THSD7A: variants seen among roughly 807,000 people sequenced by gnomAD.
THSD7A encodes thrombospondin type 1 domain containing 7A, also known as thrombospondin type-1 domain-containing protein 7A.
A neutral mutation model predicts 231.3 loss-of-function variants in THSD7A; 96 were observed. The ratio of observed to expected loss-of-function variants is 0.41; its 90% CI spans 0.35 to 0.49. THSD7A has a LOEUF of 0.49. Among genes scored for constraint, THSD7A ranks in the 20% least tolerant of loss-of-function variants. The pLI is 0.05. For missense variants in THSD7A, 2,290 were observed against 2,070.2 expected, an observed-to-expected ratio of 1.11 and a Z score of -2.06; for synonymous variants, 940 against 743.3, an observed-to-expected ratio of 1.26 and a Z score of -4.30.
intron 1 of THSD7A, among the ~76,000 whole-genome samples, chr7:11,647,309 A>G (rs780569401): frequency 6.6e-6 from 1 of 152,032 alleles, no homozygotes; most frequent in Non-Finnish European, 1.5e-5. Flanking sequence ...CAAATTCCTG[A>G]AGTGACTCAG....
At chr7:11,700,594 T>G (rs1945408743) in intron 1 of THSD7A, among the ~76,000 whole-genome samples, 1 of 151,164 alleles carries the variant, frequency 6.6e-6, no homozygotes, top group Non-Finnish European at 1.5e-5. Context: ...GTAGTTGGAG[T>G]GTTTTCATGT....
chr7:11,555,716 A>G (rs1197133067), intron 4 of THSD7A, among the ~76,000 whole-genome samples: 1 of 151,214 alleles, frequency 6.6e-6, no homozygotes, highest in Admixed American at 6.6e-5. Context: ...TTCTCCTTTC[A>G]GTTCTATCAG....
At chr7:11,506,697 C>T (rs1469508741) in intron 6 of THSD7A, among the ~76,000 whole-genome samples, 4 of 152,176 alleles carry the variant, frequency 2.6e-5, no homozygotes, top group African/African-American at 4.8e-5. Flanking sequence ...TCCTGGAACA[C>T]TTTAAGCATT....
At chr7:11,725,090 A>G (rs1006714415) in intron 1 of THSD7A, among the ~76,000 whole-genome samples, 1 of 151,950 alleles carries the variant, frequency 6.6e-6, no homozygotes, top group Non-Finnish European at 1.5e-5. Flanking sequence ...ACACAGCTAA[A>G]TAAGATTCAT....
chr7:11,568,656 C>CAAAAAAAAAAAAA (rs1562728058), intron 4 of THSD7A, among the ~76,000 whole-genome samples: 3 of 88,622 alleles, frequency 3.4e-5, no homozygotes, highest in Admixed American at 1.4e-4. Flanking sequence ...AAAAAAAAAC[C>CAAAAAAAAAAAAA]AAAATCTGGA....
intron 1 of THSD7A, among the ~76,000 whole-genome samples, chr7:11,755,234 T>C (rs1562531295): frequency 6.6e-6 from 1 of 151,996 alleles, no homozygotes; most frequent in Non-Finnish European, 1.5e-5. Context: ...GTGCCAAAAT[T>C]GAGAAACCCT....
At chr7:11,403,255 TTAATGGAAAA>T (rs1251434726) in intron 22 of THSD7A, among the ~76,000 whole-genome samples, 2 of 152,174 alleles carry the variant, frequency 1.3e-5, no homozygotes, top group East Asian at 3.8e-4. Context: ...GGAGATCTGA[TTAATGGAAAA>T]ACTTCTTGTG....
chr7:11,763,560 A>T (rs1457216748), intron 1 of THSD7A, among the ~76,000 whole-genome samples: 1 of 152,176 alleles, frequency 6.6e-6, no homozygotes, highest in Non-Finnish European at 1.5e-5. Flanking sequence ...CATATACCTA[A>T]ATCTTAGCAT....
intron 13 of THSD7A, among the ~76,000 whole-genome samples, chr7:11,438,582 T>C (rs1219777787): frequency 6.6e-6 from 1 of 152,038 alleles, no homozygotes; most frequent in East Asian, 1.9e-4. Context: ...CAAATCACTA[T>C]ATTTAAAAAT....
intron 7 of THSD7A, among the ~76,000 whole-genome samples, chr7:11,477,925 G>A (rs191806769): frequency 2.0e-5 from 3 of 152,190 alleles, no homozygotes; most frequent in South Asian, 2.1e-4. Flanking sequence ...CACTTACATT[G>A]ATGTTTATTC....
chr7:11,829,356 A>T (rs968384730), intron 1 of THSD7A, among the ~76,000 whole-genome samples: 2 of 152,112 alleles, frequency 1.3e-5, no homozygotes, highest in African/African-American at 4.8e-5. Flanking sequence ...TAGGGGTTAA[A>T]AAGGCCCTTA....
chr7:11,423,808 A>C (rs1784230401), intron 16 of THSD7A, among the ~76,000 whole-genome samples: 1 of 152,134 alleles, frequency 6.6e-6, no homozygotes, highest in Non-Finnish European at 1.5e-5. Context: ...TACAAAATGG[A>C]GGTGATAAAA....
intron 1 of THSD7A, among the ~76,000 whole-genome samples, chr7:11,760,440 G>A (rs1005040470): frequency 1.3e-5 from 2 of 152,060 alleles, no homozygotes; most frequent in Non-Finnish European, 2.9e-5. Context: ...AAGAATGGCT[G>A]TTCCTCATTA....
In THSD7A at chr7:11,831,676, G is replaced by A. The variant is rs893210726; in HGVS notation, c.190+81C>T. 21 of 1,081,834 alleles carry A rather than the reference G, an allele frequency of 1.9e-5. No individual in the cohort carries two copies. The South Asian group carries it at 3.9e-4, about 20-fold the overall frequency. The allele number at this position is 1,081,834 out of a possible 1,614,324, so 67.0% of individuals were successfully genotyped here. A position where few individuals can be genotyped will look rare whatever the true frequency, so the allele number is the denominator to read the frequency against. On this transcript the variant is annotated intron_variant, in intron 1 of 27. Transcript: ENST00000423059. The surrounding 1 kb of genome is among the most constrained non-coding windows in gnomAD (Gnocchi z 5.0). The stretch of plus-strand genomic sequence containing the variant: ...CATAACCAAGCCATCCAAAAGCACC[G>A]GGGTCCCTACAGAAGCCCACCAGCT...
At chr7:11,611,840 GTCTATCTATCTATCTA>G (rs570012898) in intron 2 of THSD7A, among the ~76,000 whole-genome samples, 57 of 139,530 alleles carry the variant, frequency 4.1e-4, no homozygotes, top group South Asian at 1.9e-3. Context: ...ACTATCATCT[GTCTATCTATCTATCTA>G]TCTATCTATC....
At chr7:11,575,875 T>C (rs1790878015) in intron 4 of THSD7A, among the ~76,000 whole-genome samples, 2 of 152,240 alleles carry the variant, frequency 1.3e-5, no homozygotes, top group African/African-American at 2.4e-5. Context: ...GTGTTTATTG[T>C]AAAGATGTTA....
At chr7:11,512,698 T>C (rs1199328518) in intron 6 of THSD7A, among the ~76,000 whole-genome samples, 2 of 144,618 alleles carry the variant, frequency 1.4e-5, no homozygotes, top group East Asian at 4.1e-4. Flanking sequence ...AAACACCACA[T>C]GTTCTCACTC....
At chr7:11,783,646 C>A (rs951837072) in intron 1 of THSD7A, among the ~76,000 whole-genome samples, 10 of 152,092 alleles carry the variant, frequency 6.6e-5, no homozygotes, top group Non-Finnish European at 2.9e-5. Context: ...AGAAAAGGCA[C>A]TCAGGTAAAT....
chr7:11,473,426 A>G (rs1182994877), intron 8 of THSD7A, among the ~76,000 whole-genome samples: 3 of 152,202 alleles, frequency 2.0e-5, no homozygotes, highest in Admixed American at 1.3e-4. Context: ...GCTGAAGATT[A>G]CACACAATAT....
Sources: gnomAD v4.1 joint callset for allele counts (sites outside exome capture counted in the v4.1 genomes callset) on GRCh38, gnomAD v4.1.1 for gene constraint, Gnocchi (gnomAD v3.1) non-coding constraint, MANE v1.5 for transcripts, NCBI Gene and HGNC (gene_info 2026-07-23, HGNC 2026-07-21) for gene names.